The following PI15 variants were observed in gnomAD, a reference collection of about 807,000 sequenced individuals.
The protein encoded by PI15 is 25 kDa trypsin inhibitor.
In PI15, 18 loss-of-function variants were observed where a neutral mutation model predicts 31.0. That is an observed-to-expected ratio of 0.58 (90% confidence interval 0.40 to 0.86). The LOEUF (loss-of-function observed/expected upper bound fraction) is 0.86, where lower values mean the gene tolerates loss of function less well. PI15 is among the 40% of genes least tolerant of loss of function. PI15 has a pLI of 0.00. For missense variants in PI15, 282 were observed against 328.1 expected, an observed-to-expected ratio of 0.86 and a Z score of 1.09; for synonymous variants, 118 against 119.1, an observed-to-expected ratio of 0.99 and a Z score of 0.06.
In PI15 at chr8:74,850,481, G is replaced by T. The variant is rs957817726; in HGVS notation, c.*1228G>T. The T allele has an allele frequency of 2.0e-5, 3 of 152,172 alleles. No homozygotes were observed. Among genetic ancestry groups the T allele is most frequent in the Non-Finnish European group, 4.4e-5 (3 of 68,014 alleles). The allele number at this position is 152,172 out of a possible 1,614,324, so 9.4% of individuals were successfully genotyped here. The stretch of plus-strand genomic sequence containing the variant: ...TTCCAAAAAGAGATGTGGAGGTGCT[G>T]AGGGCACCTCTATCTCTTTGTTGTT... On this transcript the variant is annotated 3_prime_UTR_variant, in exon 6 of 6. Coordinates refer to ENST00000260113, the MANE Select transcript of PI15 (RefSeq NM_015886.5).
intron 5 of PI15, among the ~76,000 whole-genome samples, chr8:74,848,299 T>G (rs549560094): frequency 6.6e-6 from 1 of 152,202 alleles, no homozygotes; most frequent in Non-Finnish European, 1.5e-5. Flanking sequence ...TAATGGTATA[T>G]TGGTTTATAC....
intron 2 of PI15, among the ~76,000 whole-genome samples, chr8:74,838,283 A>G (rs1344736148): frequency 6.6e-6 from 1 of 152,104 alleles, no homozygotes; most frequent in Non-Finnish European, 1.5e-5. Context: ...ATATGCATAT[A>G]TATTTTAAAT....
intron 2 of PI15, among the ~76,000 whole-genome samples, chr8:74,831,188 C>A (rs1810776884): frequency 6.6e-6 from 1 of 152,108 alleles, no homozygotes; most frequent in African/African-American, 2.4e-5. Context: ...AATGTAAAAG[C>A]AGTAACAGGA....
chr8:74,845,450 ATC>A lies in PI15; in HGVS notation c.596_597del (p.Ser199CysfsTer25). On this transcript the variant is annotated frameshift_variant, in exon 5 of 6. Coordinates refer to ENST00000260113, the MANE Select transcript of PI15 (RefSeq NM_015886.5). LOFTEE classifies it high-confidence loss of function. ...HTCQNMNVWG[S>X]VWRRAVYLVC... Reference sequence around the variant, plus strand: ...CTTGCCAAAACATGAATGTTTGGGGATCTGTGTGGCGACGTGCAGTTTACTTG... The same window carrying A: ...CTTGCCAAAACATGAATGTTTGGGGATGTGTGGCGACGTGCAGTTTACTTG... 5 of 1,614,080 alleles carry A rather than the reference ATC, an allele frequency of 3.1e-6. No individual in the cohort carries two copies. Among genetic ancestry groups the A allele is most frequent in the Non-Finnish European group, 4.2e-6 (5 of 1,179,948 alleles).
Position 74,852,299 on chromosome 8 carries a change from T to C in PI15, c.*3046T>C, listed in dbSNP as rs1563572367. The C allele has an allele frequency of 3.3e-5, 5 of 152,084 alleles. No homozygotes were observed. The allele number at this position is 152,084 out of a possible 1,614,324, so 9.4% of individuals were successfully genotyped here. ...CAATATAGGTTTTGGGGCTTCCATA[T>C]CATCAAAAGACTGAAAAATTATAAT... On this transcript the variant is annotated 3_prime_UTR_variant, in exon 6 of 6. Transcript: ENST00000260113.
At chr8:74,840,576 T>A in intron 2 of PI15, among the ~76,000 whole-genome samples, 1 of 152,142 alleles carries the variant, frequency 6.6e-6, no homozygotes, top group East Asian at 1.9e-4. Context: ...TATGATGTAA[T>A]TCCCAAATTT....
chr8:74,839,007 T>G (rs752386738), intron 2 of PI15, among the ~76,000 whole-genome samples: 1 of 152,268 alleles, frequency 6.6e-6, no homozygotes, highest in Non-Finnish European at 1.5e-5. Flanking sequence ...TGTCTACTTA[T>G]GGAAGTCCGC....
In PI15 at chr8:74,839,045, T is replaced by C. The variant is rs16938975; in HGVS notation, c.274-4936T>C. On this transcript the variant is annotated intron_variant, in intron 2 of 5. Transcript: ENST00000260113. The stretch of plus-strand genomic sequence containing the variant: ...CCTTTGCCCATGCAGCAACATTTTT[T>C]ACTCAATTTTGTATTCAGCTCAAGT... Among the ~76,000 whole-genome samples, 836 of 152,352 alleles carry C rather than the reference T, an allele frequency of 5.5e-3. 74 individuals carry two copies. The East Asian group carries it at 0.14, about 26-fold the overall frequency.
chr8:74,844,858 T>C (rs541992306), intron 3 of PI15: 138 of 386,204 alleles, frequency 3.6e-4, no homozygotes, highest in African/African-American at 2.6e-3. Context: ...TGATGATTCC[T>C]GAAATTATTT....
intron 2 of PI15, among the ~76,000 whole-genome samples, chr8:74,843,168 G>A (rs1056235618): frequency 9.9e-5 from 15 of 152,160 alleles, no homozygotes; most frequent in African/African-American, 2.7e-4. Flanking sequence ...TTTGACGGCT[G>A]TGAAAATTAT....
intron 3 of PI15, 52 bp from the exon 4 acceptor site, chr8:74,845,076 C>T: frequency 6.7e-7 from 1 of 1,487,068 alleles, no homozygotes. Flanking sequence ...ACATGAGTCC[C>T]TTATATATTA....
At chr8:74,827,092 A>T (rs1303012386) in intron 2 of PI15, among the ~76,000 whole-genome samples, 2 of 152,098 alleles carry the variant, frequency 1.3e-5, no homozygotes, top group African/African-American at 4.8e-5. Context: ...AGTTTAGAGA[A>T]TTTGTAGCAA....
At position 74,852,262 on chromosome 8, in the gene PI15, T is replaced by C. The variant is rs1437904661; in HGVS notation, c.*3009T>C. 6.6e-6 allele frequency: 1 copy of C among 152,128 alleles called. No individual in the cohort carries two copies. The highest frequency in any genetic ancestry group is 6.5e-5 in the Admixed American group (1 of 15,272). The allele number at this position is 152,128 out of a possible 1,614,324, so 9.4% of individuals were successfully genotyped here. A position where few individuals can be genotyped will look rare whatever the true frequency, so the allele number is the denominator to read the frequency against. ...TTTTTATATGACCAGTAGAAAAATT[T>C]TAATATTCTCACAATATAGGTTTTG... On this transcript the variant is annotated 3_prime_UTR_variant, in exon 6 of 6. Transcript: ENST00000260113.
In PI15 at chr8:74,854,888, G is replaced by A. The variant is rs918188188; in HGVS notation, c.*5635G>A. On this transcript the variant is annotated 3_prime_UTR_variant, in exon 6 of 6. Transcript: ENST00000260113. ...ATTACCTAATTCTGTGGCAAAAATGGTGCCTCTGATGTTGTGATATAGTAT... is the reference window on the plus strand; with the variant it reads ...ATTACCTAATTCTGTGGCAAAAATGATGCCTCTGATGTTGTGATATAGTAT... The A allele has an allele frequency of 6.6e-6, 1 of 152,008 alleles. No homozygotes were observed. Among genetic ancestry groups the A allele is most frequent in the Non-Finnish European group, 1.5e-5 (1 of 68,024 alleles). 9.4% of individuals were successfully genotyped at this position (152,008 alleles called of 1,614,324 possible).
At position 74,825,422 on chromosome 8, in the gene PI15, G is replaced by A. The variant is rs141788887; in HGVS notation, c.173G>A (p.Arg58Gln). Reference sequence around the variant, plus strand: ...TCAGCGGATATCCCCAAAGCCAGGCGGAAGCGCTACATTTCGCAGAATGAC... The same window carrying A: ...TCAGCGGATATCCCCAAAGCCAGGCAGAAGCGCTACATTTCGCAGAATGAC... The part of the protein sequence containing the change: ...LDSADIPKAR[R>Q]KRYISQNDMI... Residue 58 changes from arginine to glutamine, a missense_variant, in exon 2 of 6, where the codon CGG becomes CAG. Arg to Gln is a conservative substitution (Grantham distance 43). Coordinates refer to ENST00000260113, the MANE Select transcript of PI15 (RefSeq NM_015886.5). The A allele has an allele frequency of 3.9e-4, 626 of 1,612,892 alleles. 1 individual carries two copies. In the African/African-American group the frequency reaches 7.2e-3, roughly 18 times the overall value.
chr8:74,845,541 G>A (rs755379218), intron 5 of PI15, 44 bp downstream of exon 5: 14 of 1,195,518 alleles, frequency 1.2e-5, no homozygotes, highest in East Asian at 9.3e-5. Flanking sequence ...CTTTAAAGAC[G>A]TTAAATATCC....
rs1811114001 is a variant in PI15, at chr8:74,851,928, C to G, written c.*2675C>G. 1 of 152,158 alleles carries G rather than the reference C, an allele frequency of 6.6e-6. No homozygotes were observed. Among genetic ancestry groups the G allele is most frequent in the South Asian group, 2.1e-4 (1 of 4,830 alleles). The allele number at this position is 152,158 out of a possible 1,614,324, so 9.4% of individuals were successfully genotyped here. A position where few individuals can be genotyped will look rare whatever the true frequency, so the allele number is the denominator to read the frequency against. On this transcript the variant is annotated 3_prime_UTR_variant, in exon 6 of 6. Transcript: ENST00000260113. ...AAATATAACGGGTATATTTGTTATT[C>G]TAACTCTATTTTTTAAAGTTAATAA...
In PI15 at chr8:74,854,485, A is replaced by G. The variant is rs1811152573; in HGVS notation, c.*5232A>G. 1 of 152,060 alleles carries G rather than the reference A, an allele frequency of 6.6e-6. No individual in the cohort carries two copies. Among genetic ancestry groups the G allele is most frequent in the African/African-American group, 2.4e-5 (1 of 41,426 alleles). The allele number at this position is 152,060 out of a possible 1,614,324, so 9.4% of individuals were successfully genotyped here. ...GATTCTATCACACAGAGCAACATTA[A>G]TCTAAATGGTTTAGCTCCCTCTTTT... On this transcript the variant is annotated 3_prime_UTR_variant, in exon 6 of 6. Coordinates refer to ENST00000260113, the MANE Select transcript of PI15 (RefSeq NM_015886.5).
chr8:74,825,862 TA>T (rs564091053), intron 2 of PI15, among the ~76,000 whole-genome samples: 1 of 152,072 alleles, frequency 6.6e-6, no homozygotes, highest in Non-Finnish European at 1.5e-5. Context: ...AGGTCCACTT[TA>T]AAAAAAGTCA....
Sources: gnomAD v4.1 joint callset for allele counts (sites outside exome capture counted in the v4.1 genomes callset) on GRCh38, gnomAD v4.1.1 for gene constraint, MANE v1.5 for transcripts, NCBI Gene and HGNC (gene_info 2026-07-23, HGNC 2026-07-21) for gene names.